The following DENND1A variants were observed in gnomAD, a reference collection of about 807,000 sequenced individuals.
The protein encoded by DENND1A is DENN domain containing 1A.
A neutral mutation model predicts 113.7 loss-of-function variants in DENND1A; 51 were observed. That is an observed-to-expected ratio of 0.45 (90% CI 0.36 to 0.57). The LOEUF (loss-of-function observed/expected upper bound fraction) is 0.57. DENND1A is among the 20% of genes least tolerant of loss of function. The pLI, the probability that DENND1A is intolerant of heterozygous loss-of-function variation, is 0.00. For missense variants in DENND1A, 1,258 were observed against 1,395.9 expected, an observed-to-expected ratio of 0.90 and a Z score of 1.57; for synonymous variants, 565 against 570.8, an observed-to-expected ratio of 0.99 and a Z score of 0.14.
At chr9:123,571,105 A>G (rs2136339949) in intron 12 of DENND1A, among the ~76,000 whole-genome samples, 1 of 152,256 alleles carries the variant, frequency 6.6e-6, no homozygotes, top group South Asian at 2.1e-4. Context: ...AAACAAAGCT[A>G]ACTCAGACAA....
rs146257418 is a variant in DENND1A, at chr9:123,402,160, A to G, written c.1631+1242T>C. 9.7e-4 allele frequency among the ~76,000 whole-genome samples: 148 copies of G among 152,326 alleles called. 1 individual carries two copies. The highest frequency in any genetic ancestry group is 3.3e-3 in the African/African-American group (138 of 41,572). On this transcript the variant is annotated intron_variant, in intron 21 of 23. Transcript: ENST00000394215. ...TCCCACCAGGCTATTGTGCAGAGCA[A>G]AAGTTAAACTTAACCCAGCTTCAGG...
intron 9 of DENND1A, among the ~76,000 whole-genome samples, chr9:123,636,700 T>C (rs967311724): frequency 3.3e-4 from 45 of 135,402 alleles, no homozygotes; most frequent in Admixed American, 5.7e-4. Flanking sequence ...TACCAGACTT[T>C]TTTTTTTTTT....
intron 13 of DENND1A, among the ~76,000 whole-genome samples, chr9:123,500,071 T>C (rs972149699): frequency 2.0e-5 from 3 of 152,202 alleles, no homozygotes; most frequent in African/African-American, 7.2e-5. Context: ...GTACTGGCCT[T>C]AATACCTAGG....
chr9:123,452,422 C>T, intron 16 of DENND1A, 75 bp from the exon 17 acceptor site: 1 of 1,192,206 alleles, frequency 8.4e-7, no homozygotes, highest in South Asian at 1.2e-5. Flanking sequence ...TGCTTCTCTT[C>T]AATCGAGTTA....
In DENND1A at chr9:123,674,386, ACACACAC is replaced by A. The variant is rs2063936931; in HGVS notation, c.372+2327_372+2333del. On this transcript the variant is annotated intron_variant, in intron 6 of 23. Transcript: ENST00000394215. ...CACACACACACACACACACACACAC[ACACACAC>A]AATAGAAGCCTATCTTGCTTCCCAA... is the stretch of plus-strand genomic sequence containing the variant. Among the ~76,000 whole-genome samples, 4 of 142,970 alleles carry A rather than the reference ACACACAC, an allele frequency of 2.8e-5. No homozygotes were observed. The South Asian group carries it at 8.9e-4, about 32-fold the overall frequency. The allele number at this position is 142,970 out of a possible 152,430, so 93.8% of individuals were successfully genotyped here. A position where few individuals can be genotyped will look rare whatever the true frequency, so the allele number is the denominator to read the frequency against.
chr9:123,574,413 C>T (rs1013435197), intron 12 of DENND1A, among the ~76,000 whole-genome samples: 1 of 151,876 alleles, frequency 6.6e-6, no homozygotes, highest in East Asian at 1.9e-4. Flanking sequence ...AGAAATAGTG[C>T]CATTTTTCTA....
At chr9:123,472,804 C>T (rs1297495122) in intron 13 of DENND1A, among the ~76,000 whole-genome samples, 3 of 152,206 alleles carry the variant, frequency 2.0e-5, no homozygotes, top group East Asian at 1.9e-4. Flanking sequence ...TCCCATAACA[C>T]GGGGCCAGCC....
intron 19 of DENND1A, among the ~76,000 whole-genome samples, chr9:123,425,064 G>T (rs755577838): frequency 1.3e-5 from 2 of 152,212 alleles, no homozygotes; most frequent in Non-Finnish European, 2.9e-5. Flanking sequence ...ATGGGGCGGG[G>T]ACTCCCTGCA....
At chr9:123,676,821 T>G (rs12377595) in intron 5 of DENND1A, 32 bp from the exon 6 acceptor site, 368,588 of 1,602,572 alleles carry the variant, frequency 0.23, 44,607 homozygotes, top group Non-Finnish European at 0.24. Context: ...CATGAAATAT[T>G]AGTATGCAGG....
intron 8 of DENND1A, among the ~76,000 whole-genome samples, chr9:123,664,455 TAATA>T (rs950508454): frequency 6.6e-6 from 1 of 152,012 alleles, no homozygotes; most frequent in Non-Finnish European, 1.5e-5. Context: ...CAATATTCCC[TAATA>T]AATTAAATTA....
chr9:123,498,525 T>C (rs540908490), intron 13 of DENND1A, among the ~76,000 whole-genome samples: 3 of 152,360 alleles, frequency 2.0e-5, no homozygotes, highest in East Asian at 3.9e-4. Context: ...CTCTGTACCA[T>C]GTCTTACCAA....
At chr9:123,865,373 CT>C (rs1213241368) in intron 2 of DENND1A, among the ~76,000 whole-genome samples, 3 of 152,134 alleles carry the variant, frequency 2.0e-5, no homozygotes, top group Admixed American at 2.0e-4. Flanking sequence ...GGATTAAGAA[CT>C]TTTTTAAAGC....
At chr9:123,842,955 C>T (rs1459070325) in intron 2 of DENND1A, 2 of 343,488 alleles carry the variant, frequency 5.8e-6, no homozygotes, top group East Asian at 8.1e-5. Context: ...GCCAGGACAG[C>T]CCTTCCCACA....
intron 2 of DENND1A, among the ~76,000 whole-genome samples, chr9:123,794,383 A>G (rs1358143779): frequency 2.0e-5 from 3 of 152,254 alleles, no homozygotes; most frequent in Non-Finnish European, 4.4e-5. Context: ...ATGTAGCTCT[A>G]AGCCACTGAG....
intron 13 of DENND1A, among the ~76,000 whole-genome samples, chr9:123,527,497 T>C (rs1411043587): frequency 6.6e-6 from 1 of 152,152 alleles, no homozygotes; most frequent in Non-Finnish European, 1.5e-5. Context: ...TGCTTCTCCT[T>C]CTGCCTGGAG....
chr9:123,870,730 T>C (rs1846459525), intron 2 of DENND1A, among the ~76,000 whole-genome samples: 1 of 152,258 alleles, frequency 6.6e-6, no homozygotes, highest in East Asian at 1.9e-4. Context: ...CCACCGTGGC[T>C]GGCCTCACCA....
chr9:123,424,623 G>A (rs2045573488), intron 19 of DENND1A, among the ~76,000 whole-genome samples: 1 of 152,142 alleles, frequency 6.6e-6, no homozygotes. Flanking sequence ...GGCACCTATG[G>A]GATAAAATTC....
intron 2 of DENND1A, among the ~76,000 whole-genome samples, chr9:123,822,879 T>C (rs946175296): frequency 6.6e-6 from 1 of 152,186 alleles, no homozygotes; most frequent in South Asian, 2.1e-4. Context: ...CAACTACTTG[T>C]GGGCCTTTCT....
intron 19 of DENND1A, 142 bp from the exon 20 acceptor site, chr9:123,411,971 G>T: frequency 3.5e-6 from 1 of 289,206 alleles, no homozygotes; most frequent in Non-Finnish European, 5.2e-6. Context: ...CGCCCCCACT[G>T]TCCACCTTTT....
Sources: gnomAD v4.1 joint callset for allele counts (sites outside exome capture counted in the v4.1 genomes callset) on GRCh38, gnomAD v4.1.1 for gene constraint, MANE v1.5 for transcripts, NCBI Gene and HGNC (gene_info 2026-07-23, HGNC 2026-07-21) for gene names.